IL1RAPL2: variants seen among roughly 807,000 people sequenced by gnomAD.
The protein encoded by IL1RAPL2 is interleukin 1 receptor accessory protein like 2.
In IL1RAPL2, 3 loss-of-function variants were observed where a neutral mutation model predicts 44.1. The observed-to-expected ratio is 0.07, with a 90% confidence interval of 0.03 to 0.18. The LOEUF (loss-of-function observed/expected upper bound fraction) is 0.18, where lower values mean the gene tolerates loss of function less well. IL1RAPL2 is among the 10% of genes least tolerant of loss of function. The probability of loss-of-function intolerance (pLI) is 1.00; values close to 1 mark genes in which losing one functional copy is unlikely to be tolerated. For synonymous variants in IL1RAPL2, 181 were observed against 178.8 expected (o/e 1.01, Z -0.10); for missense variants, 391 against 496.4 (o/e 0.79, Z 2.02).
intron 1 of IL1RAPL2, among the ~76,000 whole-genome samples, chrX:104,630,824 TG>T (rs761213208): frequency 2.1e-4 from 23 of 109,421 alleles, no homozygotes; most frequent in Non-Finnish European, 3.2e-4. Flanking sequence ...CATTCATTAG[TG>T]TTTTTTTTTT....
intron 2 of IL1RAPL2, among the ~76,000 whole-genome samples, chrX:104,704,343 A>G (rs1275897954): frequency 7.2e-5 from 8 of 111,696 alleles, no homozygotes; most frequent in Admixed American, 3.8e-4. Context: ...GAAACGCTAG[A>G]TGAGCCTGGG....
intron 2 of IL1RAPL2, among the ~76,000 whole-genome samples, chrX:104,734,520 T>G (rs141138400): frequency 8.9e-6 from 1 of 112,474 alleles, no homozygotes; most frequent in Admixed American, 9.4e-5. Context: ...AAAGACAGTA[T>G]GCTAAATGAA....
chrX:105,261,543 G>A lies in IL1RAPL2; in HGVS notation c.544-5845G>A, dbSNP rs184848043. Among the ~76,000 whole-genome samples the A allele has an allele frequency of 3.9e-3, 428 of 110,862 alleles. 3 individuals are homozygous for A. Among genetic ancestry groups the A allele is most frequent in the African/African-American group, 0.013 (392 of 30,416 alleles). ...GAGTTGGTGTACCTTGTAATTTTTC[G>A]TTGAAACCCAGACATGATGTACTGA... is the stretch of plus-strand genomic sequence containing the variant. On this transcript the variant is annotated intron_variant, in intron 4 of 10. Transcript: ENST00000372582.
chrX:105,670,682 T>C (rs2037816825), intron 6 of IL1RAPL2, among the ~76,000 whole-genome samples: 1 of 109,693 alleles, frequency 9.1e-6, no homozygotes, highest in Non-Finnish European at 1.9e-5. Flanking sequence ...TTGGGGTAAA[T>C]TGACATCTGT....
intron 5 of IL1RAPL2, among the ~76,000 whole-genome samples, chrX:105,426,623 T>C (rs1244900845): frequency 9.0e-6 from 1 of 110,662 alleles, no homozygotes; most frequent in Non-Finnish European, 1.9e-5. Context: ...CCCCCTCCCA[T>C]TGTTATATTC....
At chrX:105,085,633 C>G (rs999790951) in intron 2 of IL1RAPL2, among the ~76,000 whole-genome samples, 4 of 111,628 alleles carry the variant, frequency 3.6e-5, no homozygotes, top group South Asian at 7.5e-4. Flanking sequence ...AAAACTAAAA[C>G]TAGAACTTCC....
chrX:105,644,349 A>C (rs2037590497), intron 6 of IL1RAPL2, among the ~76,000 whole-genome samples: 1 of 111,484 alleles, frequency 9.0e-6, no homozygotes, highest in African/African-American at 3.3e-5. Flanking sequence ...ATCAGAGATA[A>C]GATTTTTAAG....
intron 2 of IL1RAPL2, among the ~76,000 whole-genome samples, chrX:104,764,803 T>A (rs755275651): frequency 8.9e-6 from 1 of 112,489 alleles, no homozygotes; most frequent in Non-Finnish European, 1.9e-5. Context: ...ACATCATCAA[T>A]TGAAATGATC....
At chrX:105,234,821 A>AAAAAG (rs1556199834) in intron 4 of IL1RAPL2, among the ~76,000 whole-genome samples, 4 of 106,516 alleles carry the variant, frequency 3.8e-5, no homozygotes, top group African/African-American at 1.4e-4. Context: ...AAAAAAAAAA[A>AAAAAG]AAGAAGAGAG....
At chrX:104,816,181 A>C (rs1474482561) in intron 2 of IL1RAPL2, among the ~76,000 whole-genome samples, 2 of 111,513 alleles carry the variant, frequency 1.8e-5, no homozygotes, top group Non-Finnish European at 3.8e-5. Flanking sequence ...CTTTTCCCTA[A>C]CTTGCTTTGG....
chrX:105,017,002 C>T (rs1369968174), intron 2 of IL1RAPL2, among the ~76,000 whole-genome samples: 1 of 111,306 alleles, frequency 9.0e-6, no homozygotes, highest in Non-Finnish European at 1.9e-5. Context: ...AATTGTTATT[C>T]ATCTATTCAG....
chrX:104,571,325 T>C (rs998782493), intron 1 of IL1RAPL2, among the ~76,000 whole-genome samples: 2 of 112,179 alleles, frequency 1.8e-5, no homozygotes, highest in African/African-American at 6.5e-5. Context: ...GAATCTAAAA[T>C]AATCTCTAAC....
intron 1 of IL1RAPL2, among the ~76,000 whole-genome samples, chrX:104,624,344 T>A (rs1929457554): frequency 9.0e-6 from 1 of 111,007 alleles, no homozygotes; most frequent in African/African-American, 3.3e-5. Flanking sequence ...AGGGATACTT[T>A]CATTACAAAT....
chrX:105,193,353 C>T (rs138184265), intron 2 of IL1RAPL2, among the ~76,000 whole-genome samples: 1 of 111,139 alleles, frequency 9.0e-6, no homozygotes, highest in Non-Finnish European at 1.9e-5. Flanking sequence ...AAAATATTCC[C>T]GTGGGGTTTA....
intron 3 of IL1RAPL2, among the ~76,000 whole-genome samples, chrX:105,204,701 C>T (rs6616576): frequency 0.51 from 56,388 of 110,328 alleles, 12,508 homozygotes; most frequent in East Asian, 0.77. Flanking sequence ...GGAGTATGGT[C>T]TCTGGAGCTG....
rs772878349 is a variant in IL1RAPL2 at position 104,636,543 on chromosome X, C to T, written c.-19-22352C>T. Among the ~76,000 whole-genome samples, 34 of 112,092 alleles carry T rather than the reference C, an allele frequency of 3.0e-4. 2 individuals are homozygous for T. In the East Asian group the frequency reaches 6.2e-3, roughly 21 times the overall value. ...TTGCCTACTCAAGCCTTGGCAATGG[C>T]GGGCACCCCTCCCCCAGCCTTGCTG... On this transcript the variant is annotated intron_variant, in intron 1 of 10. Coordinates refer to ENST00000372582, the MANE Select transcript of IL1RAPL2 (RefSeq NM_017416.2).
At chrX:104,778,149 G>A (rs1932749642) in intron 2 of IL1RAPL2, among the ~76,000 whole-genome samples, 1 of 110,198 alleles carries the variant, frequency 9.1e-6, no homozygotes, top group South Asian at 3.9e-4. Flanking sequence ...ATCTTCTTTG[G>A]AGATATGTTT....
chrX:104,836,459 G>A, intron 2 of IL1RAPL2, among the ~76,000 whole-genome samples: 1 of 110,097 alleles, frequency 9.1e-6, no homozygotes, highest in East Asian at 2.9e-4. Flanking sequence ...TGAGGTGATG[G>A]ACACCCCATT....
At chrX:105,734,940 T>C (rs2038435238) in intron 7 of IL1RAPL2, among the ~76,000 whole-genome samples, 1 of 111,198 alleles carries the variant, frequency 9.0e-6, no homozygotes, top group Non-Finnish European at 1.9e-5. Context: ...ATTATAAGTG[T>C]TTGTGGTGGT....
Sources: gnomAD v4.1 joint callset for allele counts (sites outside exome capture counted in the v4.1 genomes callset) on GRCh38, gnomAD v4.1.1 for gene constraint, MANE v1.5 for transcripts, NCBI Gene and HGNC (gene_info 2026-07-23, HGNC 2026-07-21) for gene names.